Variants in SLC18B1 observed in about 807,000 individuals in gnomAD.
The protein encoded by SLC18B1 is solute carrier family 18 member B1, also known as MFS-type transporter SLC18B1.
SLC18B1 carries 62 observed loss-of-function variants against 53.9 expected under a neutral mutation model. The observed-to-expected ratio is 1.15, with a 90% CI of 0.94 to 1.42. The LOEUF is 1.42. Among genes scored for constraint, SLC18B1 ranks in the 40% most tolerant of loss-of-function variants. The pLI is 0.00. For missense variants in SLC18B1, 598 were observed against 547.3 expected (o/e 1.09, Z -0.93); for synonymous variants, 217 against 200.9 (o/e 1.08, Z -0.68).
At chr6:132,792,257 A>AGAGAGAGAGAGAGAG (rs1562271308) in intron 2 of SLC18B1, among the ~76,000 whole-genome samples, 1 of 33,372 alleles carries the variant, frequency 3.0e-5, no homozygotes, top group Admixed American at 2.7e-4. Flanking sequence ...GAAAGAAAGA[A>AGAGAGAGAGAGAGAG]AGAAAGAAAG....
intron 2 of SLC18B1, among the ~76,000 whole-genome samples, chr6:132,796,305 AG>A (rs1781681544): frequency 1.4e-5 from 2 of 143,604 alleles, no homozygotes; most frequent in South Asian, 4.6e-4. Flanking sequence ...CAGTGAGCCG[AG>A]ATCGCGCCAC....
chr6:132,774,918 AGCAGTGACC>A (rs1366637296), intron 8 of SLC18B1, among the ~76,000 whole-genome samples: 1 of 152,130 alleles, frequency 6.6e-6, no homozygotes, highest in East Asian at 1.9e-4. Flanking sequence ...CTCAAAAAAA[AGCAGTGACC>A]ACAAAAAAAA....
intron 2 of SLC18B1, among the ~76,000 whole-genome samples, chr6:132,792,272 AAAGAAAGAAAGGAAGAAAGGAAGGAAGG>A (rs1781551555): frequency 1.9e-5 from 1 of 52,656 alleles, no homozygotes; most frequent in Non-Finnish European, 3.7e-5. Context: ...AGAAAGAAAG[AAAGAAAGAAAGGAAGAAAGGAAGGAAGG>A]AAGGAAGGAA....
At chr6:132,776,608 C>A (rs746106881) in intron 7 of SLC18B1, among the ~76,000 whole-genome samples, 179 bp from the exon 8 acceptor site, 13 of 152,144 alleles carry the variant, frequency 8.5e-5, no homozygotes, top group Non-Finnish European at 1.6e-4. Context: ...TATGGGAGGA[C>A]AACCTAACCA....
At chr6:132,794,947 T>C (rs1201610285) in intron 2 of SLC18B1, among the ~76,000 whole-genome samples, 1 of 152,110 alleles carries the variant, frequency 6.6e-6, no homozygotes, top group Non-Finnish European at 1.5e-5. Flanking sequence ...GAGGCAGCAG[T>C]GAACTCTGAT....
chr6:132,779,420 G>GA lies in SLC18B1; in HGVS notation c.659-17dup, dbSNP rs760191809. On this transcript the variant is annotated splice_polypyrimidine_tract_variant and intron_variant, in intron 6 of 13. Coordinates refer to ENST00000275227, the MANE Select transcript of SLC18B1 (RefSeq NM_052831.3). ...GGATCAGACTCTTTAGGGAAAAAAT[G>GA]AAAAAAGAAAAAAAAAATGAAAGCA... 6 of 1,532,440 alleles carry GA rather than the reference G, an allele frequency of 3.9e-6. No homozygotes were observed. Among genetic ancestry groups the GA allele is most frequent in the African/African-American group, 3.0e-5 (2 of 66,784 alleles). 94.9% of individuals were successfully genotyped at this position (1,532,440 alleles called of 1,614,324 possible). A position where few individuals can be genotyped will look rare whatever the true frequency, so the allele number is the denominator to read the frequency against.
In SLC18B1 at chr6:132,787,530, T is replaced by C. The variant is rs1781407477; in HGVS notation, c.405A>G (p.Leu135=). 6.2e-7 allele frequency: 1 copy of C among 1,610,452 alleles called. No homozygotes were observed. Among genetic ancestry groups the C allele is most frequent in the African/African-American group, 1.3e-5 (1 of 74,474 alleles). ...DGPVFIAMCF[L]VRVMDAVSFA... ...AGCTAACTGCATCCATTACTCTCAC[T>C]AGAAAACACATAGCAATAAATACTG... Residue 135 remains leucine (L), a synonymous_variant, in exon 5 of 14, where the codon CTA becomes CTG. Coordinates refer to ENST00000275227, the MANE Select transcript of SLC18B1 (RefSeq NM_052831.3).
At chr6:132,777,898 G>A (rs564372863) in intron 7 of SLC18B1, among the ~76,000 whole-genome samples, 16 of 152,248 alleles carry the variant, frequency 1.1e-4, no homozygotes, top group African/African-American at 3.4e-4. Context: ...TTTCTTATGG[G>A]TGTCACACGC....
chr6:132,772,966 G>A (rs1781012885), intron 10 of SLC18B1, 27 bp downstream of exon 10: 1 of 1,506,926 alleles, frequency 6.6e-7, no homozygotes, highest in Non-Finnish European at 9.2e-7. Flanking sequence ...TCACAATACA[G>A]CTCTTCAAGC....
chr6:132,774,682 G>A (rs139528914), intron 8 of SLC18B1, among the ~76,000 whole-genome samples: 44 of 152,282 alleles, frequency 2.9e-4, no homozygotes, highest in African/African-American at 1.0e-3. Flanking sequence ...GCCGAGGTGG[G>A]AAGATCCCTT....
chr6:132,785,897 C>CAAAAAAAAAAAAAAAAAAAAGAAAA (rs71545048), intron 5 of SLC18B1, among the ~76,000 whole-genome samples: 2 of 81,176 alleles, frequency 2.5e-5, no homozygotes, highest in African/African-American at 4.4e-5. Flanking sequence ...CCTGTCTCTA[C>CAAAAAAAAAAAAAAAAAAAAGAAAA]AAAAAAAAAA....
chr6:132,771,239 G>C, intron 11 of SLC18B1, 110 bp from the exon 12 acceptor site: 1 of 950,900 alleles, frequency 1.1e-6, no homozygotes. Flanking sequence ...TGGAAGATAA[G>C]TACTAAAGAT....
chr6:132,798,254 A>G (rs1258682395), intron 1 of SLC18B1, among the ~76,000 whole-genome samples, 160 bp downstream of exon 1: 2 of 152,270 alleles, frequency 1.3e-5, no homozygotes, highest in Non-Finnish European at 2.9e-5. Flanking sequence ...TACCCCGTCC[A>G]GAGAGAAAAG....
intron 8 of SLC18B1, among the ~76,000 whole-genome samples, 180 bp from the exon 9 acceptor site, chr6:132,774,493 G>A (rs904000509): frequency 1.3e-5 from 2 of 152,174 alleles, no homozygotes; most frequent in East Asian, 1.9e-4. Flanking sequence ...AAGCAATGAC[G>A]ATATATAACA....
In SLC18B1 at chr6:132,784,066, T is replaced by C; in HGVS notation, c.525A>G (p.Gly175=). The change falls in exon 6 of 14, where the codon GGA becomes GGG. Residue 175 remains glycine, a synonymous_variant. Coordinates refer to ENST00000275227, the MANE Select transcript of SLC18B1 (RefSeq NM_052831.3). ...TVLGSLETFS[G]LGLILGPPVG... ...CAGGAGGACCTAGTATTAGCCCCAG[T>C]CCAGAAAAAGTCTCAAGACTTCCCT... 2.5e-6 allele frequency: 4 copies of C among 1,574,350 alleles called. No individual in the cohort carries two copies. The highest frequency in any genetic ancestry group is 3.4e-6 in the Non-Finnish European group (4 of 1,165,922).
intron 11 of SLC18B1, 64 bp downstream of exon 11, chr6:132,772,068 G>A: frequency 1.7e-6 from 2 of 1,152,996 alleles, no homozygotes; most frequent in South Asian, 2.9e-5. Flanking sequence ...CTCCAGCCTG[G>A]GTGATGAGAG....
Position 132,779,377 on chromosome 6 carries a change from C to T in SLC18B1, c.686G>A (p.Trp229Ter). 2 of 1,612,012 alleles carry T rather than the reference C, an allele frequency of 1.2e-6. No homozygotes were observed. The highest frequency in any genetic ancestry group is 2.2e-5 in the South Asian group (2 of 90,964). ...AACTTTGGGTAAAGCGATCAGTTTC[C>T]AGAATGAGTGTTCACCTGGATCAGA... ...YESDPGEHSF[W>*]KLIALPKVGL... Residue 229 changes from tryptophan to a stop codon, truncating the protein, a stop_gained, in exon 7 of 14, where the codon TGG becomes TAG. Coordinates refer to ENST00000275227, the MANE Select transcript of SLC18B1 (RefSeq NM_052831.3). LOFTEE classifies it high-confidence loss of function.
chr6:132,787,302 G>T, intron 5 of SLC18B1, 132 bp downstream of exon 5: 2 of 804,630 alleles, frequency 2.5e-6, no homozygotes, highest in Non-Finnish European at 3.6e-6. Context: ...TCAAACTCGG[G>T]GTGAAAGGCA....
intron 4 of SLC18B1, among the ~76,000 whole-genome samples, chr6:132,788,509 TA>T (rs1203952561): frequency 5.9e-5 from 9 of 152,124 alleles, no homozygotes; most frequent in Non-Finnish European, 2.9e-5. Context: ...ATGATAGTAC[TA>T]AATAAACCTT....
Sources: allele counts gnomAD v4.1 joint callset (sites outside exome capture counted in the v4.1 genomes callset), GRCh38; gene constraint gnomAD v4.1.1; transcripts MANE v1.5; gene names NCBI Gene and HGNC (gene_info 2026-07-23, HGNC 2026-07-21).